The following SNX29 variants were observed in gnomAD, a reference collection of about 807,000 sequenced individuals.
SNX29 encodes sorting nexin-29.
Under a neutral mutation model 102.1 loss-of-function variants are expected in SNX29, and 78 were observed. The observed-to-expected ratio is 0.76, with a 90% confidence interval of 0.64 to 0.92. The LOEUF (loss-of-function observed/expected upper bound fraction) is 0.92, where lower values mean the gene tolerates loss of function less well. Among genes scored for constraint, SNX29 ranks in the 40% least tolerant of loss-of-function variants. The probability of loss-of-function intolerance (pLI) is 0.00; values close to 1 mark genes in which losing one functional copy is unlikely to be tolerated. For synonymous variants in SNX29, 580 were observed against 414.5 expected (o/e 1.40, Z -4.85); for missense variants, 1,280 against 1,061.7 (o/e 1.21, Z -2.86).
chr16:12,419,955 C>T (rs1044959094), intron 18 of SNX29, among the ~76,000 whole-genome samples: 1 of 152,238 alleles, frequency 6.6e-6, no homozygotes, highest in Non-Finnish European at 1.5e-5. Context: ...TCCACTGAAG[C>T]CTGCAGGCTG....
intron 14 of SNX29, among the ~76,000 whole-genome samples, chr16:12,202,607 G>A (rs1305155545): frequency 6.6e-6 from 1 of 152,182 alleles, no homozygotes; most frequent in Non-Finnish European, 1.5e-5. Flanking sequence ...GTTGTTAATG[G>A]CGTTGGACAC....
intron 11 of SNX29, among the ~76,000 whole-genome samples, chr16:12,079,439 T>G (rs1243522029): frequency 6.6e-6 from 1 of 152,164 alleles, no homozygotes; most frequent in Non-Finnish European, 1.5e-5. Context: ...GTGCTCCTGG[T>G]ATCTCACTGG....
intron 20 of SNX29, among the ~76,000 whole-genome samples, chr16:12,555,592 C>G (rs182833934): frequency 2.6e-5 from 4 of 151,868 alleles, no homozygotes; most frequent in African/African-American, 4.8e-5. Flanking sequence ...CTCCCTGTAC[C>G]CAGCAGCTGC....
chr16:12,556,145 G>C (rs1474894413), intron 20 of SNX29, among the ~76,000 whole-genome samples: 2 of 152,206 alleles, frequency 1.3e-5, no homozygotes, highest in Non-Finnish European at 2.9e-5. Flanking sequence ...GATGGTTGGA[G>C]TGGTTAAATC....
Position 12,182,856 on chromosome 16 carries a change from C to A in SNX29, c.1596-16745C>A, listed in dbSNP as rs537705683. Among the ~76,000 whole-genome samples the A allele has an allele frequency of 1.9e-4, 28 of 150,172 alleles. 2 individuals carry two copies. In the South Asian group the frequency reaches 5.9e-3, roughly 32 times the overall value. ...GGCTGAGGCAGGAGACTCCCTTGAACCTGGGAGGCGGAGGTTGCAGTGAGC... is the reference window on the plus strand; with the variant it reads ...GGCTGAGGCAGGAGACTCCCTTGAAACTGGGAGGCGGAGGTTGCAGTGAGC... On this transcript the variant is annotated intron_variant, in intron 13 of 20. Transcript: ENST00000566228.
chr16:12,466,256 C>CCAAAA (rs549223046), intron 18 of SNX29, among the ~76,000 whole-genome samples: 3 of 152,038 alleles, frequency 2.0e-5, no homozygotes, highest in South Asian at 4.1e-4. Context: ...AAAGATGCCA[C>CCAAAA]CAAAACAAAA....
At chr16:12,557,023 C>CCCCG (rs1555458244) in intron 20 of SNX29, among the ~76,000 whole-genome samples, 1 of 120,798 alleles carries the variant, frequency 8.3e-6, no homozygotes, top group Admixed American at 8.6e-5. Flanking sequence ...TTACCCCCCC[C>CCCCG]CCGCCCCAAG....
At position 12,463,766 on chromosome 16, in the gene SNX29, C is replaced by T. The variant is rs185705870; in HGVS notation, c.2038-13953C>T. ...ATGATGGTTTGATGTACATATACATCGTGTAATGACTGCCACAATCAGATT... is the reference window on the plus strand; with the variant it reads ...ATGATGGTTTGATGTACATATACATTGTGTAATGACTGCCACAATCAGATT... On this transcript the variant is annotated intron_variant, in intron 18 of 20. Transcript: ENST00000566228. Among the ~76,000 whole-genome samples, 27 of 151,538 alleles carry T rather than the reference C, an allele frequency of 1.8e-4. No homozygotes were observed. The East Asian group carries it at 3.7e-3, about 21-fold the overall frequency.
intron 18 of SNX29, among the ~76,000 whole-genome samples, chr16:12,404,743 G>T (rs1240989472): frequency 1.3e-5 from 2 of 152,138 alleles, no homozygotes; most frequent in African/African-American, 4.8e-5. Flanking sequence ...ATGAGTCTTA[G>T]TTTCTTCAGC....
At chr16:12,553,678 C>T (rs914282063) in intron 20 of SNX29, among the ~76,000 whole-genome samples, 3 of 149,054 alleles carry the variant, frequency 2.0e-5, no homozygotes, top group Admixed American at 6.9e-5. Context: ...GCAACCTCCG[C>T]CTCCTGGGTT....
chr16:12,555,277 C>G (rs3135007), intron 20 of SNX29, among the ~76,000 whole-genome samples: 1 of 151,132 alleles, frequency 6.6e-6, no homozygotes, highest in Non-Finnish European at 1.5e-5. Flanking sequence ...TATGACCTCC[C>G]AGAGAGCAGG....
intron 19 of SNX29, among the ~76,000 whole-genome samples, 189 bp downstream of exon 19, chr16:12,478,048 T>C (rs1245886897): frequency 6.6e-6 from 1 of 152,206 alleles, no homozygotes; most frequent in Non-Finnish European, 1.5e-5. Context: ...CATTACGTCA[T>C]GTGTGTGTGT....
At chr16:12,227,566 T>TG (rs945709381) in intron 14 of SNX29, among the ~76,000 whole-genome samples, 1 of 152,182 alleles carries the variant, frequency 6.6e-6, no homozygotes, top group Middle Eastern at 3.4e-3. Flanking sequence ...CACAAATCTA[T>TG]GGGGGGAAAG....
At chr16:12,044,607 C>G (rs1296656566) in intron 5 of SNX29, among the ~76,000 whole-genome samples, 1 of 152,094 alleles carries the variant, frequency 6.6e-6, no homozygotes, top group Admixed American at 6.5e-5. Context: ...GAGAAGAAGT[C>G]TCGCTTTTTT....
intron 3 of SNX29, among the ~76,000 whole-genome samples, chr16:12,009,445 G>A (rs1264898016): frequency 7.0e-6 from 1 of 142,126 alleles, no homozygotes; most frequent in Non-Finnish European, 1.5e-5. Flanking sequence ...ATTTTTATAT[G>A]TGTGTGTGTA....
chr16:12,271,741 G>T (rs2079097763), intron 14 of SNX29, among the ~76,000 whole-genome samples: 1 of 151,902 alleles, frequency 6.6e-6, no homozygotes, highest in Non-Finnish European at 1.5e-5. Context: ...TCCTGCCTAA[G>T]CCTCCTGAGT....
intron 20 of SNX29, among the ~76,000 whole-genome samples, chr16:12,561,339 T>G (rs1254407597): frequency 6.6e-6 from 1 of 152,020 alleles, no homozygotes. Context: ...TTCAAAGTGG[T>G]GAGACTCACA....
intron 15 of SNX29, among the ~76,000 whole-genome samples, chr16:12,331,841 C>T (rs953336992): frequency 2.0e-5 from 3 of 152,186 alleles, no homozygotes; most frequent in South Asian, 2.1e-4. Flanking sequence ...TGTGAGCCAC[C>T]ATGCCTGGCC....
intron 11 of SNX29, among the ~76,000 whole-genome samples, chr16:12,107,766 C>G (rs1436000632): frequency 1.3e-5 from 2 of 152,146 alleles, no homozygotes; most frequent in Non-Finnish European, 2.9e-5. Flanking sequence ...TCTGCTTGTT[C>G]TGGAGTTTCA....
Sources: gnomAD v4.1 joint callset for allele counts (sites outside exome capture counted in the v4.1 genomes callset) on GRCh38, gnomAD v4.1.1 for gene constraint, MANE v1.5 for transcripts, NCBI Gene and HGNC (gene_info 2026-07-23, HGNC 2026-07-21) for gene names.